The following KCNN2 variants were observed in gnomAD, a reference collection of about 807,000 sequenced individuals.
The protein encoded by KCNN2 is small conductance calcium-activated potassium channel protein 2.
A neutral mutation model predicts 55.5 loss-of-function variants in KCNN2; 24 were observed. The observed-to-expected ratio is 0.43, with a 90% CI of 0.31 to 0.61. The LOEUF (loss-of-function observed/expected upper bound fraction) is 0.61. KCNN2 is among the 20% of genes least tolerant of loss of function. KCNN2 has a pLI of 0.08. For missense variants in KCNN2, 754 were observed against 853.6 expected, an observed-to-expected ratio of 0.88 and a Z score of 1.45; for synonymous variants, 431 against 336.1, an observed-to-expected ratio of 1.28 and a Z score of -3.09.
intron 1 of KCNN2, among the ~76,000 whole-genome samples, chr5:114,084,196 A>AGAAGCATGATTACTGTATGGT (rs1381668442): frequency 4.6e-5 from 7 of 152,124 alleles, no homozygotes; most frequent in Non-Finnish European, 1.0e-4. Flanking sequence ...GTAGACATGT[A>AGAAGCATGATTACTGTATGGT]GAAGCATGAT....
chr5:114,149,641 C>T (rs951544216), intron 1 of KCNN2, among the ~76,000 whole-genome samples: 1 of 152,070 alleles, frequency 6.6e-6, no homozygotes, highest in African/African-American at 2.4e-5. Flanking sequence ...CATCTGTATG[C>T]AGAAGTACAG....
chr5:114,495,807 G>T, intron 7 of KCNN2, 88 bp from the exon 8 acceptor site: 1 of 1,289,454 alleles, frequency 7.8e-7, no homozygotes, highest in Non-Finnish European at 1.1e-6. Flanking sequence ...AATGCCACCA[G>T]CAAGAGACCA....
intron 2 of KCNN2, among the ~76,000 whole-genome samples, chr5:114,280,616 T>C (rs1332815175): frequency 6.6e-6 from 1 of 152,192 alleles, no homozygotes; most frequent in Admixed American, 6.5e-5. Context: ...GTTGTAGATG[T>C]GTGGTATCAT....
In KCNN2 at chr5:114,488,816, C is replaced by T. The variant is rs117724888; in HGVS notation, c.2018+1639C>T. The stretch of plus-strand genomic sequence containing the variant: ...GGTCCAGAGGCCATACCATGCATGG[C>T]AAAATCATTTTTTCTACCTTTAATA... On this transcript the variant is annotated intron_variant, in intron 6 of 7. Coordinates refer to ENST00000673685, the MANE Select transcript of KCNN2 (RefSeq NM_021614.4). Among the ~76,000 whole-genome samples the T allele has an allele frequency of 3.7e-4, 57 of 152,246 alleles. 4 individuals are homozygous for T. In the East Asian group the frequency reaches 0.011, roughly 29 times the overall value.
At chr5:114,125,741 C>T (rs1245718430) in intron 1 of KCNN2, among the ~76,000 whole-genome samples, 1 of 152,068 alleles carries the variant, frequency 6.6e-6, no homozygotes, top group Non-Finnish European at 1.5e-5. Context: ...TATTCTGAGG[C>T]CTCTCTCTTT....
At chr5:114,436,380 C>A (rs1760004683) in intron 3 of KCNN2, among the ~76,000 whole-genome samples, 1 of 152,138 alleles carries the variant, frequency 6.6e-6, no homozygotes, top group African/African-American at 2.4e-5. Context: ...TCAACTGATT[C>A]TTTTTGTTCC....
At chr5:114,466,474 A>AAT (rs10577661) in intron 4 of KCNN2, among the ~76,000 whole-genome samples, 1,841 of 149,686 alleles carry the variant, frequency 0.012, 26 homozygotes, top group African/African-American at 0.042. Flanking sequence ...TCTTCCTAGA[A>AAT]ATATATATAT....
intron 2 of KCNN2, among the ~76,000 whole-genome samples, chr5:114,274,609 A>T (rs1323052307): frequency 6.6e-6 from 1 of 152,104 alleles, no homozygotes; most frequent in Non-Finnish European, 1.5e-5. Flanking sequence ...TGTGAATGGG[A>T]GTTCACTCCT....
At chr5:114,147,193 A>G (rs530606022) in intron 1 of KCNN2, among the ~76,000 whole-genome samples, 387 of 152,296 alleles carry the variant, frequency 2.5e-3, no homozygotes, top group African/African-American at 8.9e-3. Flanking sequence ...TCTAGTGGTG[A>G]TGAACGAGTA....
chr5:114,306,904 A>G (rs1422292722), intron 2 of KCNN2, among the ~76,000 whole-genome samples: 1 of 151,922 alleles, frequency 6.6e-6, no homozygotes, highest in Non-Finnish European at 1.5e-5. Context: ...AGGTGTTGCC[A>G]TGTTAGCCAG....
At position 114,063,834 on chromosome 5, in the gene KCNN2, A is replaced by G. The variant is rs868738168; in HGVS notation, c.-271+7334A>G. Among the ~76,000 whole-genome samples the G allele has an allele frequency of 3.9e-5, 6 of 152,352 alleles. No homozygotes were observed. The South Asian group carries it at 1.0e-3, about 26-fold the overall frequency. ...GCATACTAAGCTAGTTTACTATGGC[A>G]GCTTTAATGTAATTTAAAGTGATTG... On this transcript the variant is annotated intron_variant, in intron 1 of 10. Transcript: ENST00000512097.
At chr5:114,106,058 C>G (rs1028648686) in intron 1 of KCNN2, among the ~76,000 whole-genome samples, 3 of 151,716 alleles carry the variant, frequency 2.0e-5, no homozygotes, top group Admixed American at 6.6e-5. Context: ...TATTTTCTCC[C>G]AACATTTTAC....
chr5:114,308,679 G>C (rs1756338446), intron 2 of KCNN2, among the ~76,000 whole-genome samples: 2 of 152,328 alleles, frequency 1.3e-5, no homozygotes, highest in South Asian at 4.1e-4. Context: ...AATGAGTATA[G>C]TGAGAGTTGG....
chr5:114,366,602 A>G (rs547695469), intron 2 of KCNN2, among the ~76,000 whole-genome samples: 1 of 152,264 alleles, frequency 6.6e-6, no homozygotes, highest in Non-Finnish European at 1.5e-5. Flanking sequence ...TAATTTGTCC[A>G]GAGAAGAGCG....
chr5:114,481,746 A>G (rs541199453), intron 5 of KCNN2, among the ~76,000 whole-genome samples: 39 of 152,224 alleles, frequency 2.6e-4, no homozygotes, highest in African/African-American at 8.9e-4. Context: ...TACAACCATC[A>G]TGATCTTCAA....
At chr5:114,359,461 C>A (rs543786339), upstream of KCNN2, among the ~76,000 whole-genome samples, 1 of 152,256 alleles carries the variant, frequency 6.6e-6, no homozygotes, top group Admixed American at 6.5e-5. Context: ...GCAAAAGATA[C>A]ATTTTTGCCT....
chr5:114,106,342 C>T (rs557651354), intron 1 of KCNN2, among the ~76,000 whole-genome samples: 68 of 151,144 alleles, frequency 4.5e-4, no homozygotes, highest in Non-Finnish European at 8.0e-4. Flanking sequence ...TATTTACATT[C>T]ATTGCTATGG....
chr5:114,356,434 G>C (rs963018765), intron 2 of KCNN2, among the ~76,000 whole-genome samples: 3 of 152,084 alleles, frequency 2.0e-5, no homozygotes, highest in African/African-American at 7.2e-5. Context: ...ATTTTAATAA[G>C]ACTTAGCATA....
intron 1 of KCNN2, among the ~76,000 whole-genome samples, chr5:114,092,708 G>GCA (rs1241061730): frequency 1.3e-5 from 2 of 152,134 alleles, no homozygotes; most frequent in Non-Finnish European, 1.5e-5. Context: ...TGAATCCTTT[G>GCA]CACCCACAGG....
Sources: allele counts gnomAD v4.1 joint callset (sites outside exome capture counted in the v4.1 genomes callset), GRCh38; gene constraint gnomAD v4.1.1; transcripts MANE v1.5; gene names NCBI Gene and HGNC (gene_info 2026-07-23, HGNC 2026-07-21).